The following MTA3 variants were observed in gnomAD, a reference collection of about 807,000 sequenced individuals.
MTA3 encodes the protein metastasis associated 1 family member 3, also known as metastasis-associated protein MTA3.
MTA3 carries 34 observed loss-of-function variants against 83.5 expected under a neutral mutation model. The observed-to-expected ratio is 0.41, with a 90% CI of 0.31 to 0.54. The LOEUF (loss-of-function observed/expected upper bound fraction) is 0.54, where lower values mean the gene tolerates loss of function less well. Among genes scored for constraint, MTA3 ranks in the 20% least tolerant of loss-of-function variants. The pLI is 0.33. For missense variants in MTA3, 761 were observed against 726.4 expected, an observed-to-expected ratio of 1.05 and a Z score of -0.55; for synonymous variants, 303 against 252.7, an observed-to-expected ratio of 1.20 and a Z score of -1.89.
At chr2:42,596,691 A>C (rs992024033) in intron 3 of MTA3, among the ~76,000 whole-genome samples, 1 of 152,190 alleles carries the variant, frequency 6.6e-6, no homozygotes, top group African/African-American at 2.4e-5. Flanking sequence ...GCATTCCAGC[A>C]ATTAGATATT....
At chr2:42,736,574 C>T (rs77773656) in intron 16 of MTA3, among the ~76,000 whole-genome samples, 1,937 of 152,250 alleles carry the variant, frequency 0.013, 34 homozygotes, top group African/African-American at 0.044. Context: ...GGAGCCAGGG[C>T]CTGGAGTCAG....
intron 6 of MTA3, among the ~76,000 whole-genome samples, chr2:42,655,810 C>T (rs1558548884): frequency 6.6e-6 from 1 of 152,212 alleles, no homozygotes; most frequent in Non-Finnish European, 1.5e-5. Context: ...TCCATATTGA[C>T]CAGGCTTGTT....
At chr2:42,741,344 G>A (rs887427372) in intron 16 of MTA3, among the ~76,000 whole-genome samples, 1 of 152,182 alleles carries the variant, frequency 6.6e-6, no homozygotes, top group Non-Finnish European at 1.5e-5. Flanking sequence ...TCATTCATAT[G>A]TTCACTGGAG....
chr2:42,595,385 C>T (rs1203666772), intron 3 of MTA3, among the ~76,000 whole-genome samples: 1 of 152,108 alleles, frequency 6.6e-6, no homozygotes, highest in African/African-American at 2.4e-5. Flanking sequence ...GCTGGGATTA[C>T]AGACGTGAGC....
intron 3 of MTA3, among the ~76,000 whole-genome samples, chr2:42,601,063 C>T (rs1043873943): frequency 1.6e-4 from 25 of 152,068 alleles, no homozygotes; most frequent in Non-Finnish European, 3.1e-4. Context: ...TGCGCCTCCA[C>T]GTCCGGCTAA....
chr2:42,670,006 T>A (rs1041298573), intron 8 of MTA3, among the ~76,000 whole-genome samples: 1 of 152,256 alleles, frequency 6.6e-6, no homozygotes, highest in Admixed American at 6.5e-5. Flanking sequence ...GGCTCATGCC[T>A]GTAATCCAGG....
chr2:42,600,191 C>G (rs1682387732), intron 3 of MTA3, among the ~76,000 whole-genome samples: 1 of 152,076 alleles, frequency 6.6e-6, no homozygotes, highest in Non-Finnish European at 1.5e-5. Flanking sequence ...GAGCGAGACT[C>G]TGTCTCAAAA....
chr2:42,671,812 A>C (rs972619968), intron 8 of MTA3, among the ~76,000 whole-genome samples: 2 of 152,170 alleles, frequency 1.3e-5, no homozygotes, highest in African/African-American at 2.4e-5. Context: ...TAGGGCCTGG[A>C]ATAGGATCCT....
At chr2:42,666,898 G>T (rs750958078) in intron 8 of MTA3, among the ~76,000 whole-genome samples, 58 of 152,082 alleles carry the variant, frequency 3.8e-4, no homozygotes, top group Non-Finnish European at 6.8e-4. Context: ...GCAATATATT[G>T]TTTTCTGTTC....
intron 3 of MTA3, among the ~76,000 whole-genome samples, chr2:42,605,837 A>G (rs1358466033): frequency 4.1e-3 from 287 of 69,230 alleles, no homozygotes; most frequent in Middle Eastern, 9.8e-3. Context: ...GGCCGGGTGG[A>G]GGGCTGACCC....
At chr2:42,511,487 T>G (rs1394269286) in intron 2 of MTA3, 2 of 152,090 alleles carry the variant, frequency 1.3e-5, no homozygotes, top group African/African-American at 2.4e-5. Context: ...GAGGCCAAGG[T>G]GGGTGGATCA....
At chr2:42,615,484 T>C (rs772822755) in intron 4 of MTA3, among the ~76,000 whole-genome samples, 11 of 151,832 alleles carry the variant, frequency 7.2e-5, no homozygotes, top group African/African-American at 1.7e-4. Flanking sequence ...GCCTCCCTAA[T>C]AGCTGGGACT....
intron 3 of MTA3, among the ~76,000 whole-genome samples, chr2:42,600,560 G>A (rs1573174717): frequency 7.6e-6 from 1 of 131,996 alleles, no homozygotes; most frequent in Non-Finnish European, 1.6e-5. Flanking sequence ...GTTTTGTTTT[G>A]AGACCGAGTC....
At chr2:42,629,160 A>G in intron 4 of MTA3, among the ~76,000 whole-genome samples, 1 of 151,996 alleles carries the variant, frequency 6.6e-6, no homozygotes, top group East Asian at 1.9e-4. Flanking sequence ...GCTCCCTGCA[A>G]TCTCTGTCTC....
At position 42,755,017 on chromosome 2, in the gene MTA3, G is replaced by A. The variant is rs993186230; in HGVS notation, c.*1618G>A. On this transcript the variant is annotated 3_prime_UTR_variant, in exon 17 of 17. Transcript: ENST00000405094. ...GCTGTGCTGGGTCTTGGCTTGGGGC[G>A]CTGAGGGTGGGGCCTGTGTCAGAAG... The A allele has an allele frequency of 1.3e-4, 132 of 985,644 alleles. No homozygotes were observed. In the Middle Eastern group the frequency reaches 1.6e-3, roughly 12 times the overall value. The allele number at this position is 985,644 out of a possible 1,614,324, so 61.1% of individuals were successfully genotyped here. A position where few individuals can be genotyped will look rare whatever the true frequency, so the allele number is the denominator to read the frequency against.
chr2:42,751,283 T>A (rs1669854094), intron 16 of MTA3, among the ~76,000 whole-genome samples: 1 of 152,164 alleles, frequency 6.6e-6, no homozygotes, highest in South Asian at 2.1e-4. Flanking sequence ...TGCCTGTCAG[T>A]CAGGGCGAGT....
intron 4 of MTA3, among the ~76,000 whole-genome samples, chr2:42,627,289 G>C (rs750769052): frequency 6.6e-5 from 10 of 151,962 alleles, no homozygotes; most frequent in Non-Finnish European, 1.3e-4. Flanking sequence ...TGTTGTCCAG[G>C]GTGGTCTCTA....
At chr2:42,548,549 T>A (rs1194808257) in intron 2 of MTA3, among the ~76,000 whole-genome samples, 1 of 151,292 alleles carries the variant, frequency 6.6e-6, no homozygotes, top group Non-Finnish European at 1.5e-5. Flanking sequence ...TCCAGCACTT[T>A]GGAAGGCTGA....
At chr2:42,558,552 T>G (rs534129896) in intron 2 of MTA3, among the ~76,000 whole-genome samples, 1 of 149,612 alleles carries the variant, frequency 6.7e-6, no homozygotes, top group Non-Finnish European at 1.5e-5. Context: ...ACCCAGCCTT[T>G]AAAAAAATTT....
Sources: gnomAD v4.1 joint callset for allele counts (sites outside exome capture counted in the v4.1 genomes callset) on GRCh38, gnomAD v4.1.1 for gene constraint, MANE v1.5 for transcripts, NCBI Gene and HGNC (gene_info 2026-07-23, HGNC 2026-07-21) for gene names.